SEC24A: variants seen among roughly 807,000 people sequenced by gnomAD.
SEC24A encodes SEC24 homolog A, COPII component, also known as protein transport protein Sec24A.
SEC24A carries 93 observed loss-of-function variants against 129.4 expected under a neutral mutation model. The observed-to-expected ratio is 0.72, with a 90% confidence interval of 0.61 to 0.85. The LOEUF (loss-of-function observed/expected upper bound fraction) is 0.85. Among genes scored for constraint, SEC24A ranks in the 40% least tolerant of loss-of-function variants. The probability of loss-of-function intolerance (pLI) is 0.00; values close to 1 mark genes in which losing one functional copy is unlikely to be tolerated. For missense variants in SEC24A, 1,264 were observed against 1,307.4 expected, an observed-to-expected ratio of 0.97 and a Z score of 0.51; for synonymous variants, 460 against 467.3, an observed-to-expected ratio of 0.98 and a Z score of 0.20.
chr5:134,707,371 C>CT (rs1752196159), intron 17 of SEC24A, among the ~76,000 whole-genome samples: 1 of 151,656 alleles, frequency 6.6e-6, no homozygotes, highest in Admixed American at 6.6e-5. Context: ...ACTCTATCGC[C>CT]CAGGGTGGAG....
intron 9 of SEC24A, among the ~76,000 whole-genome samples, chr5:134,684,302 CAAA>C (rs577777007): frequency 5.5e-5 from 5 of 90,760 alleles, no homozygotes; most frequent in African/African-American, 6.9e-5. Context: ...AACTCCATCT[CAAA>C]AAAAAAAAAA....
intron 22 of SEC24A, among the ~76,000 whole-genome samples, 179 bp downstream of exon 22, chr5:134,723,849 A>G (rs1752688849): frequency 6.6e-6 from 1 of 152,212 alleles, no homozygotes; most frequent in African/African-American, 2.4e-5. Flanking sequence ...TTAATTGACT[A>G]ATAATAAGTG....
intron 1 of SEC24A, among the ~76,000 whole-genome samples, chr5:134,652,972 T>A (rs1040550862): frequency 3.5e-5 from 5 of 142,134 alleles, no homozygotes; most frequent in South Asian, 2.2e-4. Flanking sequence ...TTTTTTGTAT[T>A]TTTTTTTTTT....
At chr5:134,689,719 G>A (rs1196014341) in intron 11 of SEC24A, among the ~76,000 whole-genome samples, 3 of 151,284 alleles carry the variant, frequency 2.0e-5, no homozygotes, top group African/African-American at 7.3e-5. Context: ...AGCCGAGATC[G>A]TGCCACCGCA....
intron 11 of SEC24A, among the ~76,000 whole-genome samples, chr5:134,691,502 CTTTT>C (rs557222613): frequency 8.0e-6 from 1 of 125,420 alleles, no homozygotes. Context: ...TGTGGGCCTT[CTTTT>C]TTTTTTTTTT....
At chr5:134,676,417 C>T (rs1369235739) in intron 7 of SEC24A, among the ~76,000 whole-genome samples, 6 of 142,188 alleles carry the variant, frequency 4.2e-5, no homozygotes, top group African/African-American at 1.3e-4. Flanking sequence ...GAATTACAGG[C>T]GTGAGCCTCT....
At chr5:134,714,489 T>G (rs1392058743) in intron 18 of SEC24A, among the ~76,000 whole-genome samples, 1 of 152,202 alleles carries the variant, frequency 6.6e-6, no homozygotes, top group African/African-American at 2.4e-5. Flanking sequence ...TGCATACTCT[T>G]TATGAGAATC....
At chr5:134,700,875 C>T (rs1038020020) in intron 15 of SEC24A, among the ~76,000 whole-genome samples, 2 of 152,052 alleles carry the variant, frequency 1.3e-5, no homozygotes, top group Admixed American at 6.6e-5. Context: ...CCTGCTACCA[C>T]TCCCAGCTAA....
At position 134,703,822 on chromosome 5, in the gene SEC24A, C is replaced by CT; in HGVS notation, c.2331dup (p.Asn778Ter). On this transcript the variant is annotated frameshift_variant, in exon 16 of 23. Transcript: ENST00000398844. LOFTEE classifies it high-confidence loss of function. ...AGGTCAACCGACTTACTGTCTTTGC[C>CT]TAACGTCAACCCAGACGCTGGGTAT... The CT allele has an allele frequency of 1.2e-6, 2 of 1,613,334 alleles. No individual in the cohort carries two copies. The highest frequency in any genetic ancestry group is 1.7e-6 in the Non-Finnish European group (2 of 1,179,340).
chr5:134,671,936 A>T (rs988659691), intron 4 of SEC24A, 50 bp downstream of exon 4: 1 of 1,103,010 alleles, frequency 9.1e-7, no homozygotes, highest in Non-Finnish European at 1.4e-6. Flanking sequence ...CTGATTATAG[A>T]AATAATATGT....
At chr5:134,662,347 G>A (rs1750500502) in intron 2 of SEC24A, among the ~76,000 whole-genome samples, 2 of 151,794 alleles carry the variant, frequency 1.3e-5, no homozygotes, top group Non-Finnish European at 2.9e-5. Context: ...GTAGAGACGG[G>A]GTTTCACCGT....
Position 134,720,990 on chromosome 5 carries a change from G to T in SEC24A, c.2971-8G>T. The T allele has an allele frequency of 6.4e-7, 1 of 1,555,682 alleles. No homozygotes were observed. Among genetic ancestry groups the T allele is most frequent in the Admixed American group, 1.7e-5 (1 of 59,600 alleles). On this transcript the variant is annotated splice_region_variant and splice_polypyrimidine_tract_variant and intron_variant, in intron 20 of 22. Coordinates refer to ENST00000398844, the MANE Select transcript of SEC24A (RefSeq NM_021982.3). The stretch of plus-strand genomic sequence containing the variant: ...TGCATCTCAAAATAATTTTATTCCT[G>T]TCCCTAGGTACTGATGCTTTGGGTT...
At chr5:134,680,729 C>T (rs868451569) in intron 8 of SEC24A, among the ~76,000 whole-genome samples, 48 of 152,108 alleles carry the variant, frequency 3.2e-4, no homozygotes, top group African/African-American at 1.1e-3. Context: ...TGAAACCTCT[C>T]TGCCTCCCAG....
At chr5:134,714,007 A>G (rs1284906674) in intron 18 of SEC24A, among the ~76,000 whole-genome samples, 1 of 151,266 alleles carries the variant, frequency 6.6e-6, no homozygotes, top group Non-Finnish European at 1.5e-5. Context: ...AAACCACTAC[A>G]CTCCAGCCTT....
At chr5:134,659,838 A>C (rs769673799) in intron 1 of SEC24A, among the ~76,000 whole-genome samples, 1 of 151,974 alleles carries the variant, frequency 6.6e-6, no homozygotes, top group African/African-American at 2.4e-5. Context: ...TTTTTTATAG[A>C]GACGAGGTCT....
chr5:134,678,440 CTTA>C (rs1199614828), intron 7 of SEC24A, among the ~76,000 whole-genome samples: 1 of 150,878 alleles, frequency 6.6e-6, no homozygotes, highest in Non-Finnish European at 1.5e-5. Flanking sequence ...ATTTTTTTAA[CTTA>C]TTATTTATTT....
At chr5:134,669,315 C>T (rs1310885574) in intron 3 of SEC24A, among the ~76,000 whole-genome samples, 3 of 145,404 alleles carry the variant, frequency 2.1e-5, no homozygotes, top group Admixed American at 6.9e-5. Context: ...TACAGGCATG[C>T]GCCACCCCAC....
At chr5:134,664,017 A>G (rs1750564512) in intron 2 of SEC24A, among the ~76,000 whole-genome samples, 1 of 152,146 alleles carries the variant, frequency 6.6e-6, no homozygotes, top group Non-Finnish European at 1.5e-5. Context: ...AGGCTGAGGC[A>G]GGAGAAGCGC....
At chr5:134,705,758 G>A (rs932660825) in intron 17 of SEC24A, among the ~76,000 whole-genome samples, 6 of 152,006 alleles carry the variant, frequency 3.9e-5, no homozygotes, top group Admixed American at 2.6e-4. Context: ...ATTGTCTCAA[G>A]AGGAACCTCA....
Sources: gnomAD v4.1 joint callset for allele counts (sites outside exome capture counted in the v4.1 genomes callset) on GRCh38, gnomAD v4.1.1 for gene constraint, MANE v1.5 for transcripts, NCBI Gene and HGNC (gene_info 2026-07-23, HGNC 2026-07-21) for gene names.